MLLT3: variants seen among roughly 807,000 people sequenced by gnomAD.
The protein encoded by MLLT3 is protein AF-9.
Under a neutral mutation model 53.2 loss-of-function variants are expected in MLLT3, and 4 were observed. The ratio of observed to expected loss-of-function variants is 0.08; its 90% CI spans 0.04 to 0.17. MLLT3 has a LOEUF of 0.17. Ranked by LOEUF, MLLT3 falls within the 10% of genes least tolerant of loss-of-function variation. The pLI is 1.00. For synonymous variants in MLLT3, 283 were observed against 230.6 expected (o/e 1.23, Z -2.06); for missense variants, 569 against 684.0 (o/e 0.83, Z 1.87).
chr9:20,506,014 A>G (rs1825371658), intron 2 of MLLT3, among the ~76,000 whole-genome samples: 1 of 152,020 alleles, frequency 6.6e-6, no homozygotes, highest in South Asian at 2.1e-4. Flanking sequence ...AAAACAAGGG[A>G]TAGTTGGTCA....
intron 5 of MLLT3, among the ~76,000 whole-genome samples, chr9:20,395,520 G>T (rs533461382): frequency 6.6e-6 from 1 of 152,240 alleles, no homozygotes; most frequent in African/African-American, 2.4e-5. Flanking sequence ...AACTTTTAAA[G>T]CTACTTTAAA....
In MLLT3 at chr9:20,344,128, A is replaced by G. The variant is rs1820806916; in HGVS notation, c.*2315T>C. 1 of 195,168 alleles carries G rather than the reference A, an allele frequency of 5.1e-6. No homozygotes were observed. The highest frequency in any genetic ancestry group is 8.2e-5 in the East Asian group (1 of 12,128). The allele number at this position is 195,168 out of a possible 1,614,324, so 12.1% of individuals were successfully genotyped here. A position where few individuals can be genotyped will look rare whatever the true frequency, so the allele number is the denominator to read the frequency against. ...ACTTTATTACCTAATTTTCAAGTCT[A>G]AAGTTTATCATATAATAGCTGTCCT... On this transcript the variant is annotated 3_prime_UTR_variant, in exon 11 of 11. Transcript: ENST00000380338.
intron 2 of MLLT3, among the ~76,000 whole-genome samples, chr9:20,484,772 C>A (rs1230746988): frequency 6.6e-6 from 1 of 152,044 alleles, no homozygotes; most frequent in Non-Finnish European, 1.5e-5. Flanking sequence ...TGGTGCTTAA[C>A]CCAAAGTATT....
intron 2 of MLLT3, among the ~76,000 whole-genome samples, chr9:20,566,299 T>A (rs1008544568): frequency 2.6e-5 from 4 of 151,198 alleles, no homozygotes; most frequent in Non-Finnish European, 5.9e-5. Context: ...TGAGACTCCA[T>A]CTCAAAAAAA....
intron 2 of MLLT3, among the ~76,000 whole-genome samples, chr9:20,614,319 G>A (rs532274321): frequency 1.1e-3 from 163 of 152,010 alleles, no homozygotes; most frequent in African/African-American, 3.4e-3. Flanking sequence ...AGTTGAACCC[G>A]GGAGGCAGAA....
chr9:20,411,508 T>A (rs1228085720), intron 5 of MLLT3, among the ~76,000 whole-genome samples: 1 of 152,224 alleles, frequency 6.6e-6, no homozygotes, highest in East Asian at 1.9e-4. Context: ...CTGTTGGGTT[T>A]TATACACAAA....
chr9:20,440,063 A>G (rs951863222), intron 4 of MLLT3, among the ~76,000 whole-genome samples: 1 of 152,170 alleles, frequency 6.6e-6, no homozygotes, highest in Non-Finnish European at 1.5e-5. Context: ...AAATCTGCAG[A>G]AAAAAAGTCA....
intron 8 of MLLT3, among the ~76,000 whole-genome samples, chr9:20,358,441 A>C (rs1315858953): frequency 6.6e-6 from 1 of 152,256 alleles, no homozygotes; most frequent in African/African-American, 2.4e-5. Context: ...TGCCAAATAA[A>C]CACGCCAAGG....
chr9:20,431,002 A>G (rs1823254554), intron 4 of MLLT3, among the ~76,000 whole-genome samples: 1 of 152,174 alleles, frequency 6.6e-6, no homozygotes, highest in African/African-American at 2.4e-5. Context: ...ACTGCAATGC[A>G]AAATAAGAGA....
chr9:20,415,808 C>T lies in MLLT3; in HGVS notation c.421-1383G>A, dbSNP rs996160686. Among the ~76,000 whole-genome samples the T allele has an allele frequency of 4.6e-5, 7 of 151,928 alleles. No individual in the cohort carries two copies. The East Asian group carries it at 1.3e-3, about 29-fold the overall frequency. ...ATATATATATAGGTACATGTATAAG[C>T]ATCACAAAGTAATATCCAAATGAAA... is the stretch of plus-strand genomic sequence containing the variant. On this transcript the variant is annotated intron_variant, in intron 4 of 10. Coordinates refer to ENST00000380338, the MANE Select transcript of MLLT3 (RefSeq NM_004529.4).
chr9:20,447,535 C>G (rs899685950), intron 4 of MLLT3, among the ~76,000 whole-genome samples: 6 of 152,080 alleles, frequency 3.9e-5, no homozygotes, highest in Admixed American at 6.6e-5. Context: ...CAAGAGGTAC[C>G]ACTTAAAATT....
chr9:20,525,391 T>C (rs1184566738), intron 2 of MLLT3, among the ~76,000 whole-genome samples: 1 of 152,042 alleles, frequency 6.6e-6, no homozygotes, highest in Non-Finnish European at 1.5e-5. Flanking sequence ...AGCTACTTGG[T>C]AGGCTGACGC....
At chr9:20,545,458 T>C (rs1443101543) in intron 2 of MLLT3, among the ~76,000 whole-genome samples, 2 of 151,836 alleles carry the variant, frequency 1.3e-5, no homozygotes, top group Non-Finnish European at 2.9e-5. Flanking sequence ...TCACACAGGG[T>C]GGGTGGAAGG....
chr9:20,422,972 T>G (rs1823051185), intron 4 of MLLT3, among the ~76,000 whole-genome samples: 1 of 152,176 alleles, frequency 6.6e-6, no homozygotes, highest in African/African-American at 2.4e-5. Flanking sequence ...CCCCAATTTA[T>G]AAGTGAGGAA....
chr9:20,563,312 C>T (rs1819265002), intron 2 of MLLT3, among the ~76,000 whole-genome samples: 1 of 151,264 alleles, frequency 6.6e-6, no homozygotes, highest in Non-Finnish European at 1.5e-5. Context: ...TTTTAAAGAT[C>T]ACTTGCTATA....
intron 4 of MLLT3, among the ~76,000 whole-genome samples, chr9:20,428,791 A>G (rs1823196175): frequency 6.6e-6 from 1 of 152,156 alleles, no homozygotes; most frequent in African/African-American, 2.4e-5. Context: ...ACAGCATAGG[A>G]AGAAAAAAAT....
chr9:20,539,135 G>A (rs556628164), intron 2 of MLLT3, among the ~76,000 whole-genome samples: 2 of 152,316 alleles, frequency 1.3e-5, no homozygotes, highest in East Asian at 3.9e-4. Flanking sequence ...AGACAACAAT[G>A]AAGTTTGCTA....
rs543882702 is a variant in MLLT3, at chr9:20,544,029, T to C, written c.193+76625A>G. ...AGACATATAAATAAACAGAACAGAATAGAGAACCCAGAAGTAAAGTCTTAT... is the reference window on the plus strand; with the variant it reads ...AGACATATAAATAAACAGAACAGAACAGAGAACCCAGAAGTAAAGTCTTAT... On this transcript the variant is annotated intron_variant, in intron 2 of 10. Transcript: ENST00000380338. Among the ~76,000 whole-genome samples, 7 of 152,216 alleles carry C rather than the reference T, an allele frequency of 4.6e-5. 1 individual carries two copies. The highest frequency in any genetic ancestry group is 1.3e-4 in the Admixed American group (2 of 15,298).
intron 2 of MLLT3, among the ~76,000 whole-genome samples, chr9:20,514,883 C>T (rs1817865774): frequency 6.6e-6 from 1 of 151,686 alleles, no homozygotes; most frequent in Admixed American, 6.6e-5. Flanking sequence ...TCCTGGTTAC[C>T]ACCAGTAATA....
Sources: allele counts gnomAD v4.1 joint callset (sites outside exome capture counted in the v4.1 genomes callset), GRCh38; gene constraint gnomAD v4.1.1; transcripts MANE v1.5; gene names NCBI Gene and HGNC (gene_info 2026-07-23, HGNC 2026-07-21).